GRM8: variants seen among roughly 807,000 people sequenced by gnomAD.
GRM8 encodes the protein metabotropic glutamate receptor 8.
Under a neutral mutation model 87.2 loss-of-function variants are expected in GRM8, and 47 were observed. That is an observed-to-expected ratio of 0.54 (90% CI 0.43 to 0.69). The LOEUF is 0.69. Among genes scored for constraint, GRM8 ranks in the 30% least tolerant of loss-of-function variants. The probability of loss-of-function intolerance (pLI) is 0.00; values close to 1 mark genes in which losing one functional copy is unlikely to be tolerated. For synonymous variants in GRM8, 396 were observed against 404.5 expected, an observed-to-expected ratio of 0.98 and a Z score of 0.25; for missense variants, 1,019 against 1,139.2, an observed-to-expected ratio of 0.89 and a Z score of 1.52.
At chr7:126,642,025 C>A (rs527536687) in intron 7 of GRM8, among the ~76,000 whole-genome samples, 1 of 152,292 alleles carries the variant, frequency 6.6e-6, no homozygotes, top group East Asian at 1.9e-4. Flanking sequence ...AGACTGTATT[C>A]AGCCATACAA....
chr7:126,929,439 A>G (rs1805502312), intron 3 of GRM8, among the ~76,000 whole-genome samples: 1 of 151,946 alleles, frequency 6.6e-6, no homozygotes, highest in South Asian at 2.1e-4. Flanking sequence ...TTTTTATTTT[A>G]TTGTATTTTT....
At chr7:126,483,258 A>T (rs1299481821) in intron 9 of GRM8, among the ~76,000 whole-genome samples, 1 of 150,870 alleles carries the variant, frequency 6.6e-6, no homozygotes. Flanking sequence ...ATGCGTCCCT[A>T]ACCAAAATTG....
intron 9 of GRM8, among the ~76,000 whole-genome samples, chr7:126,509,344 T>A (rs1810980408): frequency 6.6e-6 from 1 of 151,952 alleles, no homozygotes; most frequent in South Asian, 2.1e-4. Context: ...CTTGAGGCAA[T>A]AAAGGTCATT....
intron 8 of GRM8, among the ~76,000 whole-genome samples, chr7:126,561,994 C>A (rs1409697970): frequency 6.6e-6 from 1 of 152,012 alleles, no homozygotes; most frequent in Non-Finnish European, 1.5e-5. Context: ...TCATTTCTTT[C>A]ATTTTAAGAT....
chr7:126,915,279 T>G (rs1184158463), intron 3 of GRM8, among the ~76,000 whole-genome samples: 3 of 152,192 alleles, frequency 2.0e-5, no homozygotes, highest in African/African-American at 7.2e-5. Context: ...ATTGAGAAGA[T>G]GGCACCCAAA....
chr7:126,748,197 A>G (rs551523838), intron 7 of GRM8, among the ~76,000 whole-genome samples: 3 of 152,204 alleles, frequency 2.0e-5, no homozygotes, highest in South Asian at 2.1e-4. Flanking sequence ...AACATCAGGC[A>G]TATTGGAAAG....
intron 3 of GRM8, among the ~76,000 whole-genome samples, chr7:126,922,629 G>A (rs1804648275): frequency 6.6e-6 from 1 of 152,082 alleles, no homozygotes; most frequent in Non-Finnish European, 1.5e-5. Flanking sequence ...GATTTTTAAG[G>A]TCATTAAGTG....
intron 3 of GRM8, among the ~76,000 whole-genome samples, chr7:127,053,579 G>C (rs981129767): frequency 4.6e-5 from 7 of 152,132 alleles, no homozygotes; most frequent in Non-Finnish European, 2.9e-5. Flanking sequence ...CACAAGGTCA[G>C]GAGTTCAAGA....
chr7:126,807,306 G>C (rs1055732757), intron 6 of GRM8, among the ~76,000 whole-genome samples: 8 of 151,210 alleles, frequency 5.3e-5, no homozygotes, highest in African/African-American at 2.0e-4. Flanking sequence ...AGGCTACTTC[G>C]ACTTGAAAAA....
chr7:126,886,930 C>G (rs116096616), intron 6 of GRM8, among the ~76,000 whole-genome samples: 1 of 151,678 alleles, frequency 6.6e-6, no homozygotes, highest in East Asian at 1.9e-4. Flanking sequence ...AGCAAAAGGC[C>G]GAAAGAAGGA....
intron 8 of GRM8, among the ~76,000 whole-genome samples, chr7:126,594,917 C>G (rs1042886368): frequency 1.8e-4 from 28 of 152,116 alleles, no homozygotes; most frequent in African/African-American, 5.5e-4. Flanking sequence ...TCTCTAAATA[C>G]AATTCAATAA....
intron 8 of GRM8, among the ~76,000 whole-genome samples, chr7:126,580,991 T>C (rs974509700): frequency 6.6e-6 from 1 of 151,894 alleles, no homozygotes. Context: ...TATCCTAACA[T>C]TCCCTAAACT....
chr7:127,029,881 A>G (rs916564797), intron 3 of GRM8, among the ~76,000 whole-genome samples: 13 of 151,994 alleles, frequency 8.6e-5, no homozygotes, highest in African/African-American at 3.1e-4. Flanking sequence ...TTACAGCACA[A>G]TTGATCAAAA....
intron 7 of GRM8, among the ~76,000 whole-genome samples, chr7:126,640,737 C>T (rs1053537656): frequency 6.6e-5 from 10 of 151,952 alleles, no homozygotes; most frequent in Non-Finnish European, 1.3e-4. Context: ...CTGGACCTTC[C>T]CCCCCTCCTA....
intron 6 of GRM8, among the ~76,000 whole-genome samples, chr7:126,836,142 G>A (rs1206842997): frequency 1.3e-5 from 2 of 152,092 alleles, no homozygotes; most frequent in East Asian, 3.9e-4. Context: ...CACAGAGAAT[G>A]AAATACAGTT....
intron 2 of GRM8, among the ~76,000 whole-genome samples, chr7:127,195,949 T>C (rs1795257612): frequency 6.6e-6 from 1 of 152,086 alleles, no homozygotes; most frequent in South Asian, 2.1e-4. Context: ...TAATAAATAT[T>C]GAATAAATAA....
chr7:126,703,666 C>A (rs139502703), intron 7 of GRM8, among the ~76,000 whole-genome samples: 24 of 152,212 alleles, frequency 1.6e-4, no homozygotes, highest in African/African-American at 5.8e-4. Context: ...CTTGAGCGAC[C>A]CTCTTGCCTC....
intron 3 of GRM8, among the ~76,000 whole-genome samples, chr7:126,948,483 A>T (rs1034931214): frequency 1.3e-5 from 2 of 150,048 alleles, no homozygotes; most frequent in Non-Finnish European, 3.0e-5. Flanking sequence ...GAAATAGGCA[A>T]GAACAGATGA....
intron 8 of GRM8, among the ~76,000 whole-genome samples, chr7:126,592,470 T>C (rs1046093481): frequency 2.0e-5 from 3 of 151,996 alleles, no homozygotes; most frequent in Non-Finnish European, 4.4e-5. Context: ...ACAAGGATGG[T>C]TCAACATATG....
Sources: gnomAD v4.1 joint callset for allele counts (sites outside exome capture counted in the v4.1 genomes callset) on GRCh38, gnomAD v4.1.1 for gene constraint, MANE v1.5 for transcripts, NCBI Gene and HGNC (gene_info 2026-07-23, HGNC 2026-07-21) for gene names.